PCDH15: variants seen among roughly 807,000 people sequenced by gnomAD.
The protein encoded by PCDH15 is protocadherin-15.
A neutral mutation model predicts 178.5 loss-of-function variants in PCDH15; 129 were observed. That is an observed-to-expected ratio of 0.72 (90% confidence interval 0.63 to 0.84). The LOEUF is 0.84. PCDH15 is among the 40% of genes least tolerant of loss of function. PCDH15 has a pLI of 0.00. For missense variants in PCDH15, 2,230 were observed against 2,099.9 expected, an observed-to-expected ratio of 1.06 and a Z score of -1.21; for synonymous variants, 800 against 732.0, an observed-to-expected ratio of 1.09 and a Z score of -1.50.
chr10:54,415,406 G>A (rs1954178650), intron 3 of PCDH15, among the ~76,000 whole-genome samples: 2 of 151,708 alleles, frequency 1.3e-5, no homozygotes, highest in African/African-American at 2.4e-5. Flanking sequence ...AGACAGAGAA[G>A]GAGGTAATAA....
chr10:53,896,200 A>G lies in PCDH15; in HGVS notation c.3501+7043T>C, dbSNP rs1397875350. Among the ~76,000 whole-genome samples the G allele has an allele frequency of 3.3e-5, 5 of 152,270 alleles. No individual in the cohort carries two copies. The East Asian group carries it at 9.6e-4, about 29-fold the overall frequency. ...CTCAGAAAAATAATAATGACAAATA[A>G]ACCACAGTTATTATTATGAATTAGG... On this transcript the variant is annotated intron_variant, in intron 26 of 37. Coordinates refer to ENST00000644397, the MANE Select transcript of PCDH15 (RefSeq NM_001384140.1).
intron 22 of PCDH15, 60 bp downstream of exon 22, chr10:53,961,692 C>G (rs1173583064): frequency 1.2e-5 from 16 of 1,352,690 alleles, no homozygotes; most frequent in Non-Finnish European, 1.5e-5. Flanking sequence ...ATCTGTTAAG[C>G]CAAATTCTCT....
intron 1 of PCDH15, among the ~76,000 whole-genome samples, chr10:55,302,401 G>A (rs1279508212): frequency 6.6e-6 from 1 of 152,102 alleles, no homozygotes; most frequent in Non-Finnish European, 1.5e-5. Context: ...TGGAGAGAGA[G>A]ATGGGAGAGA....
intron 30 of PCDH15, among the ~76,000 whole-genome samples, chr10:53,829,522 CATT>C (rs1351937229): frequency 1.3e-5 from 2 of 152,108 alleles, no homozygotes; most frequent in African/African-American, 4.8e-5. Flanking sequence ...ATGGATTTAA[CATT>C]ATAATTAATA....
intron 3 of PCDH15, among the ~76,000 whole-genome samples, chr10:54,385,190 T>A (rs1247529776): frequency 2.6e-5 from 4 of 152,098 alleles, no homozygotes; most frequent in African/African-American, 4.8e-5. Context: ...GAAAATGTGG[T>A]TTTTTAGTAC....
chr10:55,230,326 A>G (rs1337997342), intron 1 of PCDH15, among the ~76,000 whole-genome samples: 1 of 152,096 alleles, frequency 6.6e-6, no homozygotes, highest in Non-Finnish European at 1.5e-5. Flanking sequence ...AGACAGTGAC[A>G]TACATATATT....
chr10:54,248,023 A>G (rs2132040090), intron 8 of PCDH15, among the ~76,000 whole-genome samples: 1 of 150,810 alleles, frequency 6.6e-6, no homozygotes. Flanking sequence ...TTAAATTGAT[A>G]ATTTTAATGC....
At chr10:54,781,164 GATT>G (rs1950320787) in intron 1 of PCDH15, among the ~76,000 whole-genome samples, 1 of 151,974 alleles carries the variant, frequency 6.6e-6, no homozygotes, top group African/African-American at 2.4e-5. Flanking sequence ...CTTTTTAAGA[GATT>G]ATTTATTTTT....
chr10:54,255,663 A>C (rs1276685049), intron 8 of PCDH15, among the ~76,000 whole-genome samples: 1 of 152,178 alleles, frequency 6.6e-6, no homozygotes. Context: ...ACAGCAATAA[A>C]TAGGCTGGCA....
chr10:55,418,500 C>T (rs1476475984), intron 2 of PCDH15, among the ~76,000 whole-genome samples: 1 of 151,652 alleles, frequency 6.6e-6, no homozygotes, highest in Non-Finnish European at 1.5e-5. Flanking sequence ...TAAGGCATAT[C>T]AGTTAGTAAA....
At chr10:53,849,548 G>A (rs1293426012) in intron 28 of PCDH15, among the ~76,000 whole-genome samples, 1 of 152,024 alleles carries the variant, frequency 6.6e-6, no homozygotes. Flanking sequence ...ATTTGCTTTT[G>A]GTTAACTTTG....
intron 9 of PCDH15, among the ~76,000 whole-genome samples, chr10:54,230,486 A>G (rs969128682): frequency 6.6e-6 from 1 of 152,188 alleles, no homozygotes; most frequent in African/African-American, 2.4e-5. Context: ...AATAGAAGAA[A>G]TGTTGGGCCC....
Position 55,362,233 on chromosome 10 carries a change from C to T in PCDH15, c.-155-195582G>A, listed in dbSNP as rs185207498. Among the ~76,000 whole-genome samples, 35 of 152,180 alleles carry T rather than the reference C, an allele frequency of 2.3e-4. No individual in the cohort carries two copies. The East Asian group carries it at 6.4e-3, about 28-fold the overall frequency. On this transcript the variant is annotated intron_variant, in intron 2 of 5. Transcript: ENST00000613346. ...CTTTAAAATATTTTTATCTAACTCT[C>T]AATAAGCCTAAAAAACTACTCGTGG...
intron 2 of PCDH15, among the ~76,000 whole-genome samples, chr10:55,534,016 A>G (rs1841515012): frequency 6.6e-6 from 1 of 152,124 alleles, no homozygotes. Flanking sequence ...TGCTGAGGTA[A>G]CTGGCTAGCC....
chr10:54,462,034 C>T (rs148591978), intron 3 of PCDH15, among the ~76,000 whole-genome samples: 80 of 152,090 alleles, frequency 5.3e-4, no homozygotes, highest in African/African-American at 1.8e-3. Flanking sequence ...AATCATGTTA[C>T]ATGAGTTGAG....
At chr10:54,621,274 A>C (rs185806581) in intron 2 of PCDH15, among the ~76,000 whole-genome samples, 49 of 152,018 alleles carry the variant, frequency 3.2e-4, no homozygotes, top group African/African-American at 1.1e-3. Context: ...CCATGCTAGC[A>C]ACAGTAATTA....
At chr10:54,564,144 C>T (rs1336358302) in intron 2 of PCDH15, among the ~76,000 whole-genome samples, 1 of 151,992 alleles carries the variant, frequency 6.6e-6, no homozygotes, top group Non-Finnish European at 1.5e-5. Flanking sequence ...CCACATCATA[C>T]TGAATCCACC....
intron 1 of PCDH15, among the ~76,000 whole-genome samples, chr10:54,690,458 G>A (rs926891528): frequency 4.0e-5 from 6 of 151,716 alleles, no homozygotes; most frequent in East Asian, 2.0e-4. Context: ...GGGACTACAG[G>A]AGCACGCCAC....
At chr10:54,323,653 G>A in intron 7 of PCDH15, among the ~76,000 whole-genome samples, 1 of 152,002 alleles carries the variant, frequency 6.6e-6, no homozygotes, top group Admixed American at 6.6e-5. Context: ...TTTTTCAATG[G>A]GAGCTAAACA....
Sources: gnomAD v4.1 joint callset for allele counts (sites outside exome capture counted in the v4.1 genomes callset) on GRCh38, gnomAD v4.1.1 for gene constraint, MANE v1.5 for transcripts, NCBI Gene and HGNC (gene_info 2026-07-23, HGNC 2026-07-21) for gene names.